Variants in ATP2B4 observed in about 807,000 individuals in gnomAD.
ATP2B4 encodes plasma membrane calcium-transporting ATPase 4.
In ATP2B4, 39 loss-of-function variants were observed where a neutral mutation model predicts 110.3. The observed-to-expected ratio is 0.35, with a 90% CI of 0.27 to 0.46. ATP2B4 has a LOEUF of 0.46. Ranked by LOEUF, ATP2B4 falls within the 20% of genes least tolerant of loss-of-function variation. The pLI, the probability that ATP2B4 is intolerant of heterozygous loss-of-function variation, is 1.00. For missense variants in ATP2B4, 1,135 were observed against 1,530.9 expected, an observed-to-expected ratio of 0.74 and a Z score of 4.32; for synonymous variants, 538 against 571.7, an observed-to-expected ratio of 0.94 and a Z score of 0.84.
At chr1:203,646,852 C>T (rs1235074319) in intron 1 of ATP2B4, among the ~76,000 whole-genome samples, 4 of 152,154 alleles carry the variant, frequency 2.6e-5, no homozygotes, top group African/African-American at 9.7e-5. Flanking sequence ...TTCAGAAAAG[C>T]ATGAAGAGAA....
chr1:203,713,297 G>T, intron 14 of ATP2B4, 45 bp downstream of exon 14: 1 of 1,607,018 alleles, frequency 6.2e-7, no homozygotes, highest in South Asian at 1.1e-5. Context: ...CTGAAGGCAG[G>T]CCAGGGCGAG....
chr1:203,654,046 C>T (rs1278795218), intron 1 of ATP2B4, among the ~76,000 whole-genome samples: 15 of 142,412 alleles, frequency 1.1e-4, no homozygotes, highest in African/African-American at 3.2e-4. Context: ...TGCAATTGTG[C>T]GATCTCAGCT....
At chr1:203,722,141 C>A (rs1558051741) in intron 17 of ATP2B4, among the ~76,000 whole-genome samples, 2 of 152,020 alleles carry the variant, frequency 1.3e-5, no homozygotes, top group Non-Finnish European at 2.9e-5. Flanking sequence ...TAAGTCAAGA[C>A]CAGAACTAAC....
chr1:203,639,227 A>G (rs979799474), intron 1 of ATP2B4, among the ~76,000 whole-genome samples: 9 of 152,226 alleles, frequency 5.9e-5, no homozygotes, highest in African/African-American at 2.2e-4. Context: ...CGGGGCCACC[A>G]TAATGTGACA....
intron 2 of ATP2B4, among the ~76,000 whole-genome samples, chr1:203,686,994 C>CTTTTTTT (rs11329273): frequency 2.3e-5 from 2 of 86,472 alleles, no homozygotes; most frequent in Non-Finnish European, 4.5e-5. Context: ...GGCATCTGGC[C>CTTTTTTT]TTTTTTTTTT....
rs142545200 is a variant in ATP2B4, at chr1:203,656,462, G to A, written c.-464-26280G>A. Among the ~76,000 whole-genome samples, 17 of 152,226 alleles carry A rather than the reference G, an allele frequency of 1.1e-4. No homozygotes were observed. The East Asian group carries it at 1.4e-3, about 12-fold the overall frequency. ...GAATGTGAATTCACTAGACCTTTGC[G>A]GTATTCAGAAGTTAAGGATTTCACA... On this transcript the variant is annotated intron_variant, in intron 1 of 20. Coordinates refer to ENST00000357681, the MANE Select transcript of ATP2B4 (RefSeq NM_001684.5).
In ATP2B4 at chr1:203,703,823, G is replaced by A. The variant is rs1208521639; in HGVS notation, c.1099+10G>A. ...CAGATTGGGAAAGCCGGTGAGTAGG[G>A]TAGAGCCTCGTTGTGGTTTATCAAT... On this transcript the variant is annotated intron_variant, in intron 8 of 20. Coordinates refer to ENST00000357681, the MANE Select transcript of ATP2B4 (RefSeq NM_001684.5). 9 of 1,612,350 alleles carry A rather than the reference G, an allele frequency of 5.6e-6. No individual in the cohort carries two copies. The highest frequency in any genetic ancestry group is 7.6e-6 in the Non-Finnish European group (9 of 1,179,002).
chr1:203,710,776 T>G, intron 11 of ATP2B4, 101 bp from the exon 12 acceptor site: 1 of 911,454 alleles, frequency 1.1e-6, no homozygotes, highest in Non-Finnish European at 1.7e-6. Flanking sequence ...TGGAGCAATG[T>G]CTTTAGGAAT....
At chr1:203,649,042 G>A (rs1019040927) in intron 1 of ATP2B4, among the ~76,000 whole-genome samples, 2 of 152,210 alleles carry the variant, frequency 1.3e-5, no homozygotes, top group Non-Finnish European at 2.9e-5. Context: ...TACTGGATAT[G>A]AAAGTGCTTT....
At chr1:203,639,712 C>T (rs1227795669) in intron 1 of ATP2B4, among the ~76,000 whole-genome samples, 3 of 152,202 alleles carry the variant, frequency 2.0e-5, no homozygotes, top group African/African-American at 7.2e-5. Flanking sequence ...GTGGGTCCAG[C>T]CTGGTTTATT....
chr1:203,728,952 C>T (rs1418690171), intron 20 of ATP2B4, among the ~76,000 whole-genome samples: 1 of 150,788 alleles, frequency 6.6e-6, no homozygotes, highest in Non-Finnish European at 1.5e-5. Context: ...GGTGAAACCC[C>T]GTCTCTACTA....
chr1:203,643,509 CAG>C lies in ATP2B4; in HGVS notation c.-465+16294_-465+16295del, dbSNP rs1663695342. On this transcript the variant is annotated intron_variant, in intron 1 of 20. Coordinates refer to ENST00000357681, the MANE Select transcript of ATP2B4 (RefSeq NM_001684.5). The stretch of plus-strand genomic sequence containing the variant: ...CTGCTTTTCCCAGCACACACCCACG[CAG>C]AGACTTTAGCTGGCAAGAAGTGGCA... Among the ~76,000 whole-genome samples, 4 of 152,220 alleles carry C rather than the reference CAG, an allele frequency of 2.6e-5. No individual in the cohort carries two copies. The South Asian group carries it at 8.3e-4, about 32-fold the overall frequency.
Position 203,716,508 on chromosome 1 carries a change from C to A in ATP2B4, c.2406+2231C>A, listed in dbSNP as rs916572080. Among the ~76,000 whole-genome samples the A allele has an allele frequency of 1.4e-5, 2 of 145,130 alleles. 1 individual carries two copies. Among genetic ancestry groups the A allele is most frequent in the East Asian group, 4.2e-4 (2 of 4,812 alleles). On this transcript the variant is annotated intron_variant, in intron 15 of 20. Transcript: ENST00000357681. ...ACATTGTTCGGACACAGTCTAGACA[C>A]AATGAGCCACCTTTATCAGTTAGTT...
chr1:203,715,215 C>A (rs1486811871), intron 15 of ATP2B4, among the ~76,000 whole-genome samples: 1 of 149,772 alleles, frequency 6.7e-6, no homozygotes, highest in Admixed American at 6.7e-5. Flanking sequence ...GCAGAGGTTG[C>A]AGCGAGCCAA....
rs1244458264 is a variant in ATP2B4 at position 203,742,744 on chromosome 1, A to T, written c.*2890A>T. 6.6e-6 allele frequency: 1 copy of T among 152,216 alleles called. No individual in the cohort carries two copies. The highest frequency in any genetic ancestry group is 1.5e-5 in the Non-Finnish European group (1 of 68,054). 9.4% of individuals were successfully genotyped at this position (152,216 alleles called of 1,614,324 possible). Reference sequence around the variant, plus strand: ...GTGTTTCTTGAAGAATAGCTGGCAGAGTGGTATAAAAGACACGAATATCTC... The same window carrying T: ...GTGTTTCTTGAAGAATAGCTGGCAGTGTGGTATAAAAGACACGAATATCTC... On this transcript the variant is annotated 3_prime_UTR_variant, in exon 21 of 21. Coordinates refer to ENST00000357681, the MANE Select transcript of ATP2B4 (RefSeq NM_001684.5).
At chr1:203,640,713 C>A (rs1366111699) in intron 1 of ATP2B4, among the ~76,000 whole-genome samples, 2 of 152,186 alleles carry the variant, frequency 1.3e-5, no homozygotes, top group Non-Finnish European at 2.9e-5. Flanking sequence ...AAACTTGAAT[C>A]ATCTCATTTA....
At chr1:203,646,297 G>A (rs968208812) in intron 1 of ATP2B4, among the ~76,000 whole-genome samples, 2 of 152,042 alleles carry the variant, frequency 1.3e-5, no homozygotes, top group Non-Finnish European at 2.9e-5. Flanking sequence ...AGTGGTGGTT[G>A]TGGAATTCAA....
intron 20 of ATP2B4, among the ~76,000 whole-genome samples, chr1:203,738,863 C>T (rs1214972889): frequency 1.3e-5 from 2 of 152,132 alleles, no homozygotes; most frequent in African/African-American, 4.8e-5. Flanking sequence ...GGAGGGGACA[C>T]AGTGGTGGTT....
At chr1:203,734,015 G>C (rs889304509) in intron 20 of ATP2B4, among the ~76,000 whole-genome samples, 9 of 152,192 alleles carry the variant, frequency 5.9e-5, no homozygotes, top group Non-Finnish European at 8.8e-5. Context: ...TAGCATAAAA[G>C]TTGTAGCTGG....
Sources: gnomAD v4.1 joint callset for allele counts (sites outside exome capture counted in the v4.1 genomes callset) on GRCh38, gnomAD v4.1.1 for gene constraint, MANE v1.5 for transcripts, NCBI Gene and HGNC (gene_info 2026-07-23, HGNC 2026-07-21) for gene names.